Variants in NAV3 observed in about 807,000 individuals in gnomAD.
The protein encoded by NAV3 is pore membrane and/or filament interacting like protein 1.
Under a neutral mutation model 244.7 loss-of-function variants are expected in NAV3, and 87 were observed. The observed-to-expected ratio is 0.36, with a 90% CI of 0.30 to 0.42. NAV3 has a LOEUF of 0.42. Ranked by LOEUF, NAV3 falls within the 20% of genes least tolerant of loss-of-function variation. NAV3 has a pLI of 1.00. For missense variants in NAV3, 2,663 were observed against 2,893.3 expected, an observed-to-expected ratio of 0.92 and a Z score of 1.83; for synonymous variants, 1,126 against 1,042.2, an observed-to-expected ratio of 1.08 and a Z score of -1.55.
intron 1 of NAV3, among the ~76,000 whole-genome samples, chr12:77,931,682 C>T (rs1322062524): frequency 4.6e-5 from 7 of 151,924 alleles, no homozygotes; most frequent in South Asian, 2.1e-4. Flanking sequence ...CTGGCTAACA[C>T]GATGAAACCC....
At chr12:78,162,918 TAA>T (rs1957620906) in intron 23 of NAV3, among the ~76,000 whole-genome samples, 1 of 130,044 alleles carries the variant, frequency 7.7e-6, no homozygotes, top group Non-Finnish European at 1.7e-5. Context: ...ATATATTATA[TAA>T]TATATATATA....
chr12:77,629,158 A>G (rs1871774323), intron 2 of NAV3, among the ~76,000 whole-genome samples: 2 of 152,200 alleles, frequency 1.3e-5, no homozygotes, highest in Non-Finnish European at 2.9e-5. Flanking sequence ...ATAAAGTTGT[A>G]AAAAATGAGA....
At position 77,576,073 on chromosome 12, in the gene NAV3, C is replaced by T. The variant is rs537084494; in HGVS notation, c.72+3807C>T. ...ATTCAGTTTGCCAGAGTTATTTTCA[C>T]CTTGCCATGAAAAAGCTCACGATAA... On this transcript the variant is annotated intron_variant, in intron 2 of 8. Transcript: ENST00000550042. Among the ~76,000 whole-genome samples the T allele has an allele frequency of 9.9e-5, 15 of 152,168 alleles. No homozygotes were observed. The South Asian group carries it at 2.3e-3, about 23-fold the overall frequency.
At chr12:77,717,045 G>C (rs1461574097) in intron 2 of NAV3, among the ~76,000 whole-genome samples, 39 of 152,028 alleles carry the variant, frequency 2.6e-4, no homozygotes, top group Admixed American at 2.6e-3. Flanking sequence ...GTCTGTGCCT[G>C]GGCTTGTGAG....
chr12:77,725,782 C>T (rs1466599810), intron 2 of NAV3, among the ~76,000 whole-genome samples: 1 of 151,926 alleles, frequency 6.6e-6, no homozygotes, highest in Non-Finnish European at 1.5e-5. Flanking sequence ...CAAAATGGGC[C>T]TCACTGGGTT....
At chr12:78,144,171 A>G (rs540662970) in intron 20 of NAV3, among the ~76,000 whole-genome samples, 1 of 152,220 alleles carries the variant, frequency 6.6e-6, no homozygotes, top group South Asian at 2.1e-4. Flanking sequence ...TCTAAATTGT[A>G]TTTTTTCATG....
At position 77,966,232 on chromosome 12, in the gene NAV3, G is replaced by C. The variant is rs1472097951; in HGVS notation, c.418G>C (p.Glu140Gln). Residue 140 changes from glutamate to glutamine, a missense_variant, in exon 4 of 40, where the codon GAA (glutamate) becomes CAA (glutamine). Coordinates refer to ENST00000397909, the MANE Select transcript of NAV3 (RefSeq NM_001024383.2). ...TTCACTGCTTTTCATGTTGCAGATT[G>C]AAAATGTTGATGTCTGCCTTAGTTT... ...GCPRSQSQMI[E>Q]NVDVCLSFLA... is the part of the protein sequence containing the mutation. 6.2e-7 allele frequency: 1 copy of C among 1,613,468 alleles called. No individual in the cohort carries two copies. Among genetic ancestry groups the C allele is most frequent in the Admixed American group, 1.7e-5 (1 of 59,966 alleles).
intron 2 of NAV3, among the ~76,000 whole-genome samples, chr12:77,711,700 G>A (rs1592607167): frequency 6.6e-6 from 1 of 152,162 alleles, no homozygotes; most frequent in South Asian, 2.1e-4. Flanking sequence ...AGGGAGGTGG[G>A]CACCCACAGA....
chr12:77,989,953 T>TA lies in NAV3; in HGVS notation c.672-4846dup, dbSNP rs570276344. Reference sequence around the variant, plus strand: ...TTATCACCTCACAATTTACCTTTTTTAAAATGAGTATCCAACCATTCCAAG... The same window carrying TA: ...TTATCACCTCACAATTTACCTTTTTTAAAAATGAGTATCCAACCATTCCAAG... On this transcript the variant is annotated intron_variant, in intron 5 of 39. Coordinates refer to ENST00000397909, the MANE Select transcript of NAV3 (RefSeq NM_001024383.2). Among the ~76,000 whole-genome samples, 43 of 152,316 alleles carry TA rather than the reference T, an allele frequency of 2.8e-4. 1 individual carries two copies. In the South Asian group the frequency reaches 8.5e-3, roughly 30 times the overall value.
intron 2 of NAV3, among the ~76,000 whole-genome samples, chr12:77,741,238 G>GA (rs1172377964): frequency 4.1e-5 from 6 of 147,520 alleles, no homozygotes; most frequent in African/African-American, 1.2e-4. Flanking sequence ...AGGAGAAACC[G>GA]AAAAAAAAGA....
chr12:77,960,532 A>G (rs906278004), intron 3 of NAV3, among the ~76,000 whole-genome samples: 2 of 149,734 alleles, frequency 1.3e-5, no homozygotes, highest in Non-Finnish European at 3.0e-5. Flanking sequence ...ATACTGTAAT[A>G]TATGTAACAC....
chr12:77,662,219 A>ATCTATCTG (rs200300100), intron 2 of NAV3, among the ~76,000 whole-genome samples: 14 of 102,746 alleles, frequency 1.4e-4, no homozygotes, highest in African/African-American at 4.9e-4. Flanking sequence ...ATATCTTCAT[A>ATCTATCTG]TCTATCTGTC....
chr12:77,893,808 G>T (rs1463977635), intron 1 of NAV3, among the ~76,000 whole-genome samples: 1 of 152,184 alleles, frequency 6.6e-6, no homozygotes, highest in Non-Finnish European at 1.5e-5. Context: ...AAGAGCCAGA[G>T]AAATATCTTC....
chr12:77,909,675 A>G (rs922071261), intron 1 of NAV3, among the ~76,000 whole-genome samples: 1 of 152,086 alleles, frequency 6.6e-6, no homozygotes, highest in Non-Finnish European at 1.5e-5. Context: ...TCCAATGGAA[A>G]TAGAGAATTT....
At chr12:78,131,295 A>G (rs946668679) in intron 18 of NAV3, among the ~76,000 whole-genome samples, 17 of 152,202 alleles carry the variant, frequency 1.1e-4, no homozygotes, top group African/African-American at 4.1e-4. Flanking sequence ...ATATAAGCTA[A>G]TGATTTCATA....
intron 2 of NAV3, among the ~76,000 whole-genome samples, chr12:77,784,023 T>C (rs558010499): frequency 6.6e-6 from 1 of 152,270 alleles, no homozygotes; most frequent in South Asian, 2.1e-4. Flanking sequence ...TCAACTTGTG[T>C]GAATATGTAA....
chr12:77,723,778 TA>T (rs1876750389), intron 2 of NAV3, among the ~76,000 whole-genome samples: 2 of 147,628 alleles, frequency 1.4e-5, no homozygotes, highest in Non-Finnish European at 3.0e-5. Context: ...TTTTTTTTTT[TA>T]CATATATCTC....
intron 2 of NAV3, among the ~76,000 whole-genome samples, chr12:77,666,035 T>G (rs894948807): frequency 2.0e-5 from 3 of 152,130 alleles, no homozygotes; most frequent in Non-Finnish European, 4.4e-5. Context: ...AATTATGACT[T>G]TAATTAGTTT....
At chr12:78,138,838 T>C (rs1956484551) in intron 19 of NAV3, among the ~76,000 whole-genome samples, 1 of 152,168 alleles carries the variant, frequency 6.6e-6, no homozygotes, top group Admixed American at 6.5e-5. Flanking sequence ...GATGGCTTTT[T>C]TGTGCTCACG....
Sources: gnomAD v4.1 joint callset for allele counts (sites outside exome capture counted in the v4.1 genomes callset) on GRCh38, gnomAD v4.1.1 for gene constraint, MANE v1.5 for transcripts, NCBI Gene and HGNC (gene_info 2026-07-23, HGNC 2026-07-21) for gene names.